TBC1D5: variants seen among roughly 807,000 people sequenced by gnomAD.
The protein encoded by TBC1D5 is TBC1 domain family member 5, also known as TBC1 domain family, member 5.
In TBC1D5, 75 loss-of-function variants were observed where a neutral mutation model predicts 100.3. The observed-to-expected ratio is 0.75, with a 90% CI of 0.62 to 0.91. The LOEUF is 0.91. TBC1D5 is among the 40% of genes least tolerant of loss of function. The pLI is 0.00. For missense variants in TBC1D5, 910 were observed against 942.4 expected, an observed-to-expected ratio of 0.97 and a Z score of 0.45; for synonymous variants, 323 against 325.6, an observed-to-expected ratio of 0.99 and a Z score of 0.09.
At chr3:17,623,970 A>C (rs1304553221) in intron 1 of TBC1D5, 57 bp from the exon 2 acceptor site, 1 of 152,244 alleles carries the variant, frequency 6.6e-6, no homozygotes, top group Non-Finnish European at 1.5e-5. Flanking sequence ...TTTAAATACA[A>C]AGTAGATCAA....
chr3:17,713,555 T>C (rs2074959052), intron 1 of TBC1D5, among the ~76,000 whole-genome samples: 1 of 152,146 alleles, frequency 6.6e-6, no homozygotes, highest in Non-Finnish European at 1.5e-5. Context: ...TTATTGTGTT[T>C]TTCAAACGAC....
At chr3:17,660,238 AAG>A (rs1391425952) in intron 1 of TBC1D5, among the ~76,000 whole-genome samples, 2 of 152,214 alleles carry the variant, frequency 1.3e-5, no homozygotes, top group Non-Finnish European at 2.9e-5. Flanking sequence ...AAAATGCAAA[AAG>A]AGAAAGAAAC....
At chr3:17,279,850 G>A (rs928946322) in intron 15 of TBC1D5, among the ~76,000 whole-genome samples, 2 of 152,120 alleles carry the variant, frequency 1.3e-5, no homozygotes, top group Admixed American at 6.5e-5. Context: ...TGCACACCAC[G>A]GTTTAAGATC....
At chr3:17,559,114 A>G (rs962357541) in intron 2 of TBC1D5, among the ~76,000 whole-genome samples, 5 of 145,972 alleles carry the variant, frequency 3.4e-5, no homozygotes, top group African/African-American at 5.1e-5. Context: ...AAATAAATAA[A>G]TAAGACTTCA....
intron 8 of TBC1D5, among the ~76,000 whole-genome samples, chr3:17,400,302 GA>G (rs780743689): frequency 1.9e-4 from 29 of 152,126 alleles, no homozygotes; most frequent in Admixed American, 6.5e-4. Context: ...ATATTATTAG[GA>G]AATTCCTCAT....
rs554503318 is a variant in TBC1D5 at position 17,696,013 on chromosome 3, G to A, written c.-101+43330C>T. Reference sequence around the variant, plus strand: ...CCTGAATGACTACTGGGTAAATATCGAAATGAAGGCTGAAATAAAGATGTT... The same window carrying A: ...CCTGAATGACTACTGGGTAAATATCAAAATGAAGGCTGAAATAAAGATGTT... On this transcript the variant is annotated intron_variant, in intron 1 of 21. Transcript: ENST00000253692. Among the ~76,000 whole-genome samples the A allele has an allele frequency of 2.1e-4, 32 of 152,178 alleles. 1 individual carries two copies. Among genetic ancestry groups the A allele is most frequent in the Admixed American group, 1.4e-3 (22 of 15,290 alleles).
chr3:17,596,606 C>T (rs2060585744), intron 2 of TBC1D5, among the ~76,000 whole-genome samples: 1 of 150,456 alleles, frequency 6.6e-6, no homozygotes, highest in Non-Finnish European at 1.5e-5. Flanking sequence ...GCATGAGCCA[C>T]CACACCAGGT....
At chr3:17,294,566 G>A (rs1019275247) in intron 14 of TBC1D5, among the ~76,000 whole-genome samples, 7 of 152,108 alleles carry the variant, frequency 4.6e-5, no homozygotes, top group African/African-American at 1.4e-4. Context: ...AATATATAAG[G>A]GAAGCCAAAT....
intron 18 of TBC1D5, among the ~76,000 whole-genome samples, chr3:17,213,571 G>C (rs981214941): frequency 6.6e-6 from 1 of 151,824 alleles, no homozygotes; most frequent in Non-Finnish European, 1.5e-5. Flanking sequence ...TTCCAGAGCA[G>C]CCTGGCCAAT....
chr3:17,442,732 G>A (rs2094693671), intron 3 of TBC1D5, among the ~76,000 whole-genome samples: 1 of 152,168 alleles, frequency 6.6e-6, no homozygotes, highest in South Asian at 2.1e-4. Flanking sequence ...CACGCAAGGA[G>A]CAGACTAAAA....
At chr3:17,414,659 G>A (rs752324454) in intron 4 of TBC1D5, among the ~76,000 whole-genome samples, 1 of 152,172 alleles carries the variant, frequency 6.6e-6, no homozygotes, top group Non-Finnish European at 1.5e-5. Context: ...CAGGTGCCAA[G>A]ATCAACCAGA....
At chr3:17,160,768 G>A in exon 22 of TBC1D5, 1 of 694,918 alleles carries the variant, frequency 1.4e-6, no homozygotes, top group Middle Eastern at 4.1e-4. Flanking sequence ...GTCTGCATGT[G>A]GCAAACCTAA....
At chr3:17,589,321 G>C (rs905661325) in intron 2 of TBC1D5, among the ~76,000 whole-genome samples, 4 of 152,180 alleles carry the variant, frequency 2.6e-5, no homozygotes, top group Non-Finnish European at 5.9e-5. Context: ...CCAACACTGT[G>C]ATCTCATATA....
At chr3:17,452,153 A>G (rs926135319) in intron 3 of TBC1D5, among the ~76,000 whole-genome samples, 7 of 152,180 alleles carry the variant, frequency 4.6e-5, no homozygotes, top group Admixed American at 6.5e-5. Flanking sequence ...AAATTGAAAA[A>G]CATACAATGG....
Position 17,478,753 on chromosome 3 carries a change from G to A in TBC1D5, c.97+29721C>T, listed in dbSNP as rs1180872148. ...AGATCTCATGAAATCCTGAAACCTGGCAGTTTGTTTACTTGGAAAGCTGAC... is the reference window on the plus strand; with the variant it reads ...AGATCTCATGAAATCCTGAAACCTGACAGTTTGTTTACTTGGAAAGCTGAC... On this transcript the variant is annotated intron_variant, in intron 3 of 21. Coordinates refer to ENST00000253692, the Ensembl canonical transcript of TBC1D5. 2.0e-5 allele frequency among the ~76,000 whole-genome samples: 3 copies of A among 152,234 alleles called. No homozygotes were observed. In the East Asian group the frequency reaches 5.8e-4, roughly 29 times the overall value.
At chr3:17,539,775 T>G (rs760388463) in intron 2 of TBC1D5, among the ~76,000 whole-genome samples, 5 of 152,232 alleles carry the variant, frequency 3.3e-5, no homozygotes, top group Non-Finnish European at 5.9e-5. Flanking sequence ...ATATTTCAGC[T>G]ATTGTGAATA....
intron 2 of TBC1D5, among the ~76,000 whole-genome samples, chr3:17,518,549 T>G (rs1036276874): frequency 6.6e-6 from 1 of 152,226 alleles, no homozygotes; most frequent in African/African-American, 2.4e-5. Flanking sequence ...TGAGAGCCAC[T>G]TTCATCAGCA....
At chr3:17,512,021 G>C (rs1334513388) in intron 2 of TBC1D5, among the ~76,000 whole-genome samples, 2 of 151,758 alleles carry the variant, frequency 1.3e-5, no homozygotes, top group African/African-American at 2.4e-5. Context: ...TTATCGTTTT[G>C]TTTTAAATAT....
chr3:17,519,766 A>G (rs1288342323), intron 2 of TBC1D5, among the ~76,000 whole-genome samples: 3 of 152,234 alleles, frequency 2.0e-5, no homozygotes, highest in Non-Finnish European at 4.4e-5. Flanking sequence ...ATGATTTAAG[A>G]GAACCTGTAG....
Sources: gnomAD v4.1 joint callset for allele counts (sites outside exome capture counted in the v4.1 genomes callset) on GRCh38, gnomAD v4.1.1 for gene constraint, MANE v1.5 for transcripts, NCBI Gene and HGNC (gene_info 2026-07-23, HGNC 2026-07-21) for gene names.